Variants in KIF13B observed in about 807,000 individuals in gnomAD.
The protein encoded by KIF13B is kinesin family member 13B.
KIF13B carries 127 observed loss-of-function variants against 222.0 expected under a neutral mutation model. The ratio of observed to expected loss-of-function variants is 0.57; its 90% confidence interval spans 0.50 to 0.66. The LOEUF is 0.66. Among genes scored for constraint, KIF13B ranks in the 30% least tolerant of loss-of-function variants. The pLI is 0.00. For synonymous variants in KIF13B, 976 were observed against 919.0 expected (o/e 1.06, Z -1.12); for missense variants, 2,173 against 2,379.0 (o/e 0.91, Z 1.80).
chr8:29,152,598 C>CA (rs1319340951), intron 14 of KIF13B, among the ~76,000 whole-genome samples: 2 of 136,564 alleles, frequency 1.5e-5, no homozygotes, highest in African/African-American at 6.0e-5. Flanking sequence ...TTTTTAGCAA[C>CA]AGAGTTTTAA....
chr8:29,127,414 A>T (rs764424420), intron 24 of KIF13B, 146 bp from the exon 25 acceptor site: 2 of 554,036 alleles, frequency 3.6e-6, no homozygotes, highest in Non-Finnish European at 6.0e-6. Flanking sequence ...TAAAATACAA[A>T]TTTAAAAACT....
At chr8:29,205,413 T>C (rs1334703453) in intron 2 of KIF13B, among the ~76,000 whole-genome samples, 4 of 152,030 alleles carry the variant, frequency 2.6e-5, no homozygotes, top group Non-Finnish European at 5.9e-5. Context: ...TTCAAATTCC[T>C]CCTATTAAGA....
In KIF13B at chr8:29,180,089, C is replaced by A. The variant is rs1393325848; in HGVS notation, c.720+15G>T. On this transcript the variant is annotated intron_variant, in intron 8 of 39. Transcript: ENST00000524189. ...TTTAGAAATATAAAAACAGGTCATG[C>A]ATCTGAACACCTACCCCAGACTTCA... The A allele has an allele frequency of 6.2e-7, 1 of 1,613,048 alleles. No homozygotes were observed. The highest frequency in any genetic ancestry group is 8.5e-7 in the Non-Finnish European group (1 of 1,179,544).
At chr8:29,160,276 A>T (rs1373001210) in intron 13 of KIF13B, among the ~76,000 whole-genome samples, 1 of 152,192 alleles carries the variant, frequency 6.6e-6, no homozygotes. Flanking sequence ...CCAAATTTTT[A>T]ATTTTTCCTA....
intron 15 of KIF13B, among the ~76,000 whole-genome samples, chr8:29,149,983 A>G (rs572021967): frequency 6.6e-6 from 1 of 152,360 alleles, no homozygotes; most frequent in South Asian, 2.1e-4. Flanking sequence ...AAAAAAGATA[A>G]ACATGTCAGA....
chr8:29,155,482 C>CGTG lies in KIF13B; in HGVS notation c.1535+241_1535+243dup, dbSNP rs1316483568. ...GTGGTGAGTGAACCAGGAGGCAGCT[C>CGTG]GTGGTGTTGGCAGGGGCTCTGATCA... On this transcript the variant is annotated intron_variant, in intron 14 of 39. Transcript: ENST00000524189. 2.0e-5 allele frequency among the ~76,000 whole-genome samples: 3 copies of CGTG among 152,210 alleles called. No individual in the cohort carries two copies. The East Asian group carries it at 5.8e-4, about 29-fold the overall frequency.
In KIF13B at chr8:29,071,924, C is replaced by T. The variant is rs1807304252; in HGVS notation, c.4914G>A (p.Glu1638=). The change falls in exon 39 of 40, where the codon GAG becomes GAA. Residue 1638 remains glutamate (E), a synonymous_variant. Coordinates refer to ENST00000524189, the MANE Select transcript of KIF13B (RefSeq NM_015254.4). The surrounding 1 kb of genome is among the most constrained non-coding windows in gnomAD (Gnocchi z 4.9). ...GGAACGGGGAGCCGGGCGCCGGGGC[C>T]TCGAGGTCGGGGCGCTCCCGACCGG... The part of the protein sequence containing the change: ...VSPGRERPDL[E]APAPGSPFRV... The T allele has an allele frequency of 6.3e-6, 9 of 1,434,120 alleles. No individual in the cohort carries two copies. The highest frequency in any genetic ancestry group is 8.1e-6 in the Non-Finnish European group (9 of 1,105,822). 88.8% of individuals were successfully genotyped at this position (1,434,120 alleles called of 1,614,324 possible).
intron 24 of KIF13B, 131 bp from the exon 25 acceptor site, chr8:29,127,399 A>G (rs1810161699): frequency 1.6e-6 from 1 of 625,896 alleles, no homozygotes; most frequent in Non-Finnish European, 2.6e-6. Flanking sequence ...CTTATTGTTA[A>G]GCATTAAAAT....
intron 38 of KIF13B, among the ~76,000 whole-genome samples, chr8:29,074,929 G>A (rs971990703): frequency 2.6e-5 from 4 of 152,206 alleles, no homozygotes; most frequent in South Asian, 2.1e-4. Flanking sequence ...GTCTTTTCAC[G>A]CTGATATCAT....
Position 29,140,488 on chromosome 8 carries a change from T to A in KIF13B, c.2464A>T (p.Ile822Phe), listed in dbSNP as rs760195704. The A allele has an allele frequency of 6.2e-7, 1 of 1,613,814 alleles. No homozygotes were observed. Residue 822 changes from isoleucine (I) to phenylalanine (F), a missense_variant, in exon 20 of 40, where the codon ATC (isoleucine) becomes TTC (phenylalanine). Ile to Phe is a conservative substitution (Grantham distance 21). Coordinates refer to ENST00000524189, the MANE Select transcript of KIF13B (RefSeq NM_015254.4). ...CCAACCTCTCCTTTCTGGTTGATGATGGGAACAGCGTATTGTAACTTCACA... is the reference window on the plus strand; with the variant it reads ...CCAACCTCTCCTTTCTGGTTGATGAAGGGAACAGCGTATTGTAACTTCACA... ...YDVKLQYAVP[I>F]INQKGEVAGR...
intron 1 of KIF13B, among the ~76,000 whole-genome samples, chr8:29,249,487 A>C (rs1816187037): frequency 6.6e-6 from 1 of 151,916 alleles, no homozygotes; most frequent in African/African-American, 2.4e-5. Flanking sequence ...ATACCATGTC[A>C]GAGTTATGCT....
At chr8:29,224,611 T>C (rs970474755) in intron 2 of KIF13B, among the ~76,000 whole-genome samples, 10 of 152,196 alleles carry the variant, frequency 6.6e-5, no homozygotes, top group Admixed American at 6.5e-4. Flanking sequence ...ATTTCATTTG[T>C]AAGTTACTGA....
At chr8:29,133,680 C>G (rs1006554494) in intron 22 of KIF13B, among the ~76,000 whole-genome samples, 1 of 152,190 alleles carries the variant, frequency 6.6e-6, no homozygotes, top group Non-Finnish European at 1.5e-5. Context: ...AAGAGCTTTA[C>G]AGAGCATTCG....
intron 14 of KIF13B, among the ~76,000 whole-genome samples, chr8:29,154,701 G>A (rs1308405574): frequency 2.0e-5 from 3 of 152,138 alleles, no homozygotes; most frequent in Admixed American, 1.3e-4. Context: ...CAACGATGAC[G>A]TGGCCTGCTC....
chr8:29,222,890 T>C lies in KIF13B; in HGVS notation c.149+22456A>G, dbSNP rs190883063. 9.2e-5 allele frequency among the ~76,000 whole-genome samples: 14 copies of C among 152,254 alleles called. No individual in the cohort carries two copies. In the East Asian group the frequency reaches 1.5e-3, roughly 17 times the overall value. On this transcript the variant is annotated intron_variant, in intron 2 of 39. Transcript: ENST00000524189. ...CAAAGTAATATTATGTGACATGATGTGTTTTCCTCAAAATATTAGAGCTGC... is the reference window on the plus strand; with the variant it reads ...CAAAGTAATATTATGTGACATGATGCGTTTTCCTCAAAATATTAGAGCTGC...
intron 2 of KIF13B, among the ~76,000 whole-genome samples, chr8:29,202,765 G>A (rs1205070276): frequency 6.6e-6 from 1 of 152,142 alleles, no homozygotes; most frequent in Non-Finnish European, 1.5e-5. Context: ...CTGACAATAA[G>A]AAAAGGAGCA....
Position 29,071,651 on chromosome 8 carries a change from C to G in KIF13B, c.5187G>C (p.Thr1729=). ...GCAGGTCGAGCTCCACGCCGACCCA[C>G]GTGCCCTCTTGGAAGTCGGCAGGCC... ...YVGPADFQEG[T]WVGVELDLPS... Residue 1729 remains threonine, a synonymous_variant, in exon 39 of 40, where the codon ACG becomes ACC. Transcript: ENST00000524189. The surrounding 1 kb of genome is among the most constrained non-coding windows in gnomAD (Gnocchi z 4.9). The G allele has an allele frequency of 6.4e-7, 1 of 1,555,228 alleles. No homozygotes were observed. The highest frequency in any genetic ancestry group is 8.7e-7 in the Non-Finnish European group (1 of 1,149,956).
At chr8:29,139,278 G>C (rs77174272) in intron 21 of KIF13B, among the ~76,000 whole-genome samples, 8,093 of 152,140 alleles carry the variant, frequency 0.053, 282 homozygotes, top group South Asian at 0.092. Flanking sequence ...AGTGAGAAGT[G>C]CCCTTGTATG....
intron 30 of KIF13B, 40 bp from the exon 31 acceptor site, chr8:29,117,047 C>T (rs1049803498): frequency 1.3e-6 from 2 of 1,502,052 alleles, no homozygotes; most frequent in Non-Finnish European, 1.8e-6. Flanking sequence ...TCTCTCTTCT[C>T]CAGAAACATG....
Sources: allele counts gnomAD v4.1 joint callset (sites outside exome capture counted in the v4.1 genomes callset), GRCh38; gene constraint gnomAD v4.1.1; non-coding constraint Gnocchi (gnomAD v3.1); transcripts MANE v1.5; gene names NCBI Gene and HGNC (gene_info 2026-07-23, HGNC 2026-07-21).